COMT: variants seen among roughly 807,000 people sequenced by gnomAD.
The protein encoded by COMT is catechol-O-methyltransferase, also known as catechol O-methyltransferase.
In COMT, 13 loss-of-function variants were observed where a neutral mutation model predicts 18.9. The observed-to-expected ratio is 0.69, with a 90% CI of 0.45 to 1.09. The LOEUF is 1.09. Among genes scored for constraint, COMT ranks in the 50% least tolerant of loss-of-function variants. The pLI is 0.00. For synonymous variants in COMT, 150 were observed against 160.9 expected (o/e 0.93, Z 0.51); for missense variants, 329 against 361.8 (o/e 0.91, Z 0.73).
At chr22:19,954,218 C>A (rs201394697) in intron 1 of COMT, among the ~76,000 whole-genome samples, 175 of 135,392 alleles carry the variant, frequency 1.3e-3, no homozygotes, top group Middle Eastern at 7.8e-3. Context: ...GGTATTGAGT[C>A]AAAAAAAAAA....
At chr22:19,964,024 A>C in intron 4 of COMT, 144 bp from the exon 5 acceptor site, 1 of 1,537,378 alleles carries the variant, frequency 6.5e-7, no homozygotes, top group Non-Finnish European at 9.0e-7. Context: ...CAGAACCCTA[A>C]AGAAAACTGA....
chr22:19,952,268 G>A (rs948709792), intron 1 of COMT, among the ~76,000 whole-genome samples: 12 of 151,790 alleles, frequency 7.9e-5, no homozygotes, highest in African/African-American at 2.9e-4. Flanking sequence ...TTGCACCACT[G>A]CACTCCAGCC....
chr22:19,943,461 T>C (rs185762643), intron 1 of COMT, among the ~76,000 whole-genome samples: 1 of 151,936 alleles, frequency 6.6e-6, no homozygotes, highest in East Asian at 1.9e-4. Flanking sequence ...CTGGGCAACA[T>C]AAAGACCCCA....
At position 19,963,738 on chromosome 22, in the gene COMT, T is replaced by C. The variant is rs1238631448; in HGVS notation, c.462T>C (p.Asp154=). 1.9e-6 allele frequency: 3 copies of C among 1,612,306 alleles called. No homozygotes were observed. Among genetic ancestry groups the C allele is most frequent in the Non-Finnish European group, 2.5e-6 (3 of 1,179,948 alleles). Residue 154 remains aspartate (D), a synonymous_variant, in exon 4 of 6, where the codon GAT becomes GAC. Coordinates refer to ENST00000361682, the MANE Select transcript of COMT (RefSeq NM_000754.4). The part of the protein sequence containing the change: ...DCAAITQRMV[D]FAGVKDKVTL... ...CCGCCATCACCCAGCGGATGGTGGA[T>C]TTCGCTGGCGTGAAGGACAAGGTGT...
At position 19,952,115 on chromosome 22, in the gene COMT, C is replaced by T. The variant is rs907392333; in HGVS notation, c.-91-9084C>T. Among the ~76,000 whole-genome samples the T allele has an allele frequency of 1.1e-4, 17 of 151,944 alleles. No individual in the cohort carries two copies. In the South Asian group the frequency reaches 1.9e-3, roughly 17 times the overall value. On this transcript the variant is annotated intron_variant, in intron 1 of 5. Transcript: ENST00000361682. ...AGGAGTTTAAGACCAGCCTGGGCAA[C>T]ATAGCAAGACGCTGTCTCTACAAAA...
At chr22:19,954,009 G>A (rs1478721420) in intron 1 of COMT, among the ~76,000 whole-genome samples, 1 of 152,174 alleles carries the variant, frequency 6.6e-6, no homozygotes, top group Non-Finnish European at 1.5e-5. Flanking sequence ...AGGAGTGGAG[G>A]GGCCCCACAG....
rs1233522143 is a variant in COMT at position 19,941,886 on chromosome 22, G to A, written c.-103G>A. 2.2e-6 allele frequency: 3 copies of A among 1,353,232 alleles called. No individual in the cohort carries two copies. The highest frequency in any genetic ancestry group is 1.9e-6 in the Non-Finnish European group (2 of 1,051,296). The allele number at this position is 1,353,232 out of a possible 1,614,324, so 83.8% of individuals were successfully genotyped here. ...GGGCGGGTCCAGTCCCGGGCGGGCC[G>A]TCGCGGGAGAGGTGAGAGCGCTGGC... On this transcript the variant is annotated 5_prime_UTR_variant, in exon 1 of 6. Coordinates refer to ENST00000361682, the MANE Select transcript of COMT (RefSeq NM_000754.4).
chr22:19,950,186 AG>A (rs1216443627), intron 1 of COMT, among the ~76,000 whole-genome samples: 8 of 146,508 alleles, frequency 5.5e-5, no homozygotes, highest in Non-Finnish European at 7.5e-5. Context: ...TATAAGAGCT[AG>A]TTCTCACTTT....
chr22:19,962,156 C>T (rs1243423509), intron 2 of COMT: 4 of 332,578 alleles, frequency 1.2e-5, no homozygotes, highest in South Asian at 3.0e-5. Context: ...GGCTTCCCTA[C>T]CCCTGGGTGT....
At chr22:19,963,899 C>T in intron 4 of COMT, 140 bp downstream of exon 4, 1 of 1,253,580 alleles carries the variant, frequency 8.0e-7, no homozygotes. Flanking sequence ...TCAGTGCTTC[C>T]CAGCCTGGGG....
intron 1 of COMT, among the ~76,000 whole-genome samples, chr22:19,954,236 T>G (rs1350167041): frequency 2.2e-5 from 2 of 91,858 alleles, no homozygotes; most frequent in Admixed American, 1.0e-4. Flanking sequence ...AAAAAAGCCT[T>G]CCCCTGAGCC....
intron 5 of COMT, 127 bp downstream of exon 5, chr22:19,964,426 C>A: frequency 7.4e-7 from 1 of 1,352,268 alleles, no homozygotes; most frequent in Non-Finnish European, 1.0e-6. Context: ...TCTGGAGGCA[C>A]CACCTGAGGT....
intron 1 of COMT, among the ~76,000 whole-genome samples, chr22:19,952,953 AAAATAAATAAATAAATAAATAAAT>A (rs368190455): frequency 0.027 from 3,822 of 139,676 alleles, 175 homozygotes; most frequent in African/African-American, 0.093. Flanking sequence ...CCCGTCTCAA[AAAATAAATAAATAAATAAATAAAT>A]AAATAAATAA....
At chr22:19,941,927 T>A in intron 1 of COMT, 30 bp downstream of exon 1, 1 of 1,035,486 alleles carries the variant, frequency 9.7e-7, no homozygotes, top group Non-Finnish European at 1.3e-6. Context: ...CGGGGCCGAA[T>A]GCGGCCGGAT....
chr22:19,963,856 A>G lies in COMT; in HGVS notation c.483+97A>G, dbSNP rs1404695358. The G allele has an allele frequency of 2.2e-5, 31 of 1,432,850 alleles. No individual in the cohort carries two copies. In the Middle Eastern group the frequency reaches 5.2e-4, roughly 24 times the overall value. 88.8% of individuals were successfully genotyped at this position (1,432,850 alleles called of 1,614,324 possible). ...GTCCTCCCCACCAGGTGTTCACACC[A>G]CGTTCACTGAAAACCCACTATCACC... On this transcript the variant is annotated intron_variant, in intron 4 of 5. Transcript: ENST00000361682.
chr22:19,945,282 A>G (rs1941818213), intron 1 of COMT, among the ~76,000 whole-genome samples: 1 of 152,172 alleles, frequency 6.6e-6, no homozygotes, highest in East Asian at 1.9e-4. Context: ...CCTTACTCAC[A>G]TGTAAGACCA....
Position 19,969,695 on chromosome 22 carries a change from A to T in COMT, c.*959A>T. On this transcript the variant is annotated 3_prime_UTR_variant, in exon 6 of 6. Coordinates refer to ENST00000361682, the MANE Select transcript of COMT (RefSeq NM_000754.4). ...GGCCTGGCTAGCCCCCAGCCAGCCCACTCCTATGGATAGACAGACCAGTGA... is the reference window on the plus strand; with the variant it reads ...GGCCTGGCTAGCCCCCAGCCAGCCCTCTCCTATGGATAGACAGACCAGTGA... 2.7e-6 allele frequency: 1 copy of T among 366,022 alleles called. No homozygotes were observed. The highest frequency in any genetic ancestry group is 3.8e-6 in the Non-Finnish European group (1 of 264,246). 22.7% of individuals were successfully genotyped at this position (366,022 alleles called of 1,614,324 possible).
At chr22:19,967,393 ATTTT>A (rs61143203) in intron 5 of COMT, 11 of 434,244 alleles carry the variant, frequency 2.5e-5, no homozygotes, top group African/African-American at 2.4e-4. Context: ...TTGCTAGGAC[ATTTT>A]TTTTTTTTTC....
rs1380612313 is a variant in COMT, at chr22:19,969,026, A to G, written c.*290A>G. On this transcript the variant is annotated 3_prime_UTR_variant, in exon 6 of 6. Transcript: ENST00000361682. ...AAATTAAGAATCTAAATATTTAGAT[A>G]TAACTCGACTTAGTACATCCTTCTC... The G allele has an allele frequency of 6.5e-6, 2 of 305,786 alleles. No homozygotes were observed. The highest frequency in any genetic ancestry group is 6.3e-6 in the Non-Finnish European group (1 of 158,948). 18.9% of individuals were successfully genotyped at this position (305,786 alleles called of 1,614,324 possible).
Sources: allele counts gnomAD v4.1 joint callset (sites outside exome capture counted in the v4.1 genomes callset), GRCh38; gene constraint gnomAD v4.1.1; transcripts MANE v1.5; gene names NCBI Gene and HGNC (gene_info 2026-07-23, HGNC 2026-07-21).